The following CDH13 variants were observed in gnomAD, a reference collection of about 807,000 sequenced individuals.
CDH13 encodes the protein cadherin 13.
CDH13 carries 24 observed loss-of-function variants against 63.8 expected under a neutral mutation model. That is an observed-to-expected ratio of 0.38 (90% confidence interval 0.27 to 0.53). The LOEUF (loss-of-function observed/expected upper bound fraction) is 0.53, where lower values mean the gene tolerates loss of function less well. Ranked by LOEUF, CDH13 falls within the 20% of genes least tolerant of loss-of-function variation. The pLI, the probability that CDH13 is intolerant of heterozygous loss-of-function variation, is 0.85. For synonymous variants in CDH13, 503 were observed against 355.3 expected (o/e 1.42, Z -4.67); for missense variants, 1,049 against 903.1 (o/e 1.16, Z -2.07).
chr16:82,933,213 T>C (rs1353099589), intron 2 of CDH13, among the ~76,000 whole-genome samples: 7 of 152,148 alleles, frequency 4.6e-5, no homozygotes, highest in African/African-American at 1.7e-4. Context: ...TTCATGGTTT[T>C]GCATGGCTGG....
intron 6 of CDH13, among the ~76,000 whole-genome samples, chr16:83,374,769 T>C (rs903875819): frequency 3.3e-5 from 5 of 152,192 alleles, no homozygotes; most frequent in African/African-American, 1.2e-4. Context: ...AGGTACCTCA[T>C]TAAAGATGCA....
intron 1 of CDH13, among the ~76,000 whole-genome samples, chr16:82,636,980 C>T (rs1908736469): frequency 6.6e-6 from 1 of 152,134 alleles, no homozygotes; most frequent in Admixed American, 6.5e-5. Context: ...CAGCAAGCAG[C>T]TTGAATGTTT....
chr16:82,816,290 A>C (rs187287874), intron 1 of CDH13, among the ~76,000 whole-genome samples: 5 of 152,262 alleles, frequency 3.3e-5, no homozygotes, highest in Admixed American at 2.6e-4. Flanking sequence ...TTCACTCAGT[A>C]AATATTTATT....
At chr16:83,378,989 A>C (rs2091506655) in intron 6 of CDH13, among the ~76,000 whole-genome samples, 1 of 143,870 alleles carries the variant, frequency 7.0e-6, no homozygotes, top group Non-Finnish European at 1.6e-5. Context: ...ATACACATGC[A>C]TCTATATATA....
chr16:83,410,548 C>A (rs2092110594), intron 6 of CDH13, among the ~76,000 whole-genome samples: 1 of 152,060 alleles, frequency 6.6e-6, no homozygotes, highest in African/African-American at 2.4e-5. Flanking sequence ...GAAGGCAATA[C>A]CCACCCCCTA....
chr16:83,279,604 G>T (rs1259936311), intron 5 of CDH13, among the ~76,000 whole-genome samples: 1 of 152,194 alleles, frequency 6.6e-6, no homozygotes, highest in Non-Finnish European at 1.5e-5. Context: ...TATCCTGGAA[G>T]GAACCGGCTA....
At chr16:82,981,983 C>T (rs1039877643) in intron 2 of CDH13, among the ~76,000 whole-genome samples, 2 of 152,164 alleles carry the variant, frequency 1.3e-5, no homozygotes, top group South Asian at 2.1e-4. Context: ...AATGCTGTTG[C>T]TTGCCATTGG....
chr16:82,822,867 G>T (rs955434598), intron 1 of CDH13, among the ~76,000 whole-genome samples: 2 of 152,188 alleles, frequency 1.3e-5, no homozygotes, highest in Non-Finnish European at 2.9e-5. Flanking sequence ...TCACAGTGTA[G>T]GGATTGTCTG....
intron 5 of CDH13, among the ~76,000 whole-genome samples, chr16:83,344,468 C>T (rs1282718594): frequency 6.6e-6 from 1 of 152,218 alleles, no homozygotes; most frequent in African/African-American, 2.4e-5. Context: ...TCTTAATGTA[C>T]TTGGTTCATA....
intron 4 of CDH13, among the ~76,000 whole-genome samples, chr16:83,199,886 C>T (rs1167425419): frequency 6.6e-6 from 1 of 152,122 alleles, no homozygotes; most frequent in Admixed American, 6.5e-5. Flanking sequence ...ACATTAGAGC[C>T]AGCGTACAAA....
chr16:83,718,546 C>G (rs1393981127), intron 10 of CDH13, among the ~76,000 whole-genome samples: 1 of 152,104 alleles, frequency 6.6e-6, no homozygotes, highest in Non-Finnish European at 1.5e-5. Flanking sequence ...GTGGAGATTT[C>G]TCATAACTGA....
intron 5 of CDH13, among the ~76,000 whole-genome samples, chr16:83,233,271 G>T (rs913729653): frequency 6.6e-6 from 1 of 152,134 alleles, no homozygotes; most frequent in South Asian, 2.1e-4. Context: ...CAGGCTATGC[G>T]TGAAGCCGAC....
intron 7 of CDH13, among the ~76,000 whole-genome samples, chr16:83,509,377 A>G (rs73605827): frequency 0.012 from 1,778 of 152,322 alleles, 30 homozygotes; most frequent in African/African-American, 0.039. Context: ...TACTCTCTGT[A>G]AAGGGCCAGA....
At chr16:83,652,828 T>A (rs1912513479) in intron 8 of CDH13, among the ~76,000 whole-genome samples, 1 of 152,084 alleles carries the variant, frequency 6.6e-6, no homozygotes, top group East Asian at 1.9e-4. Flanking sequence ...AAGGCATAAG[T>A]CCTCCCAAAA....
intron 2 of CDH13, among the ~76,000 whole-genome samples, chr16:82,891,413 T>G (rs373890325): frequency 2.6e-5 from 4 of 152,204 alleles, no homozygotes; most frequent in Admixed American, 2.0e-4. Flanking sequence ...TCAAGGGCTG[T>G]TTGTATTCCT....
At chr16:83,198,710 T>G (rs879701332) in intron 4 of CDH13, among the ~76,000 whole-genome samples, 1 of 152,296 alleles carries the variant, frequency 6.6e-6, no homozygotes, top group Admixed American at 6.5e-5. Context: ...GGAATAAATA[T>G]ATAGTCTGTT....
Position 83,028,595 on chromosome 16 carries a change from A to C in CDH13, c.158-3415A>C, listed in dbSNP as rs530846850. On this transcript the variant is annotated intron_variant, in intron 2 of 13. Coordinates refer to ENST00000567109, the MANE Select transcript of CDH13 (RefSeq NM_001257.5). ...ATACCTCAGTCCGTGGATACTACCC[A>C]ACCCTATATATGCTAATTTGTCCTA... is the stretch of plus-strand genomic sequence containing the variant. 4.6e-5 allele frequency among the ~76,000 whole-genome samples: 7 copies of C among 152,330 alleles called. No homozygotes were observed. The East Asian group carries it at 1.2e-3, about 25-fold the overall frequency.
At chr16:83,284,986 C>T (rs980711073) in intron 5 of CDH13, among the ~76,000 whole-genome samples, 1 of 152,186 alleles carries the variant, frequency 6.6e-6, no homozygotes, top group Non-Finnish European at 1.5e-5. Flanking sequence ...CTTCTATACA[C>T]ACTCTCCCTG....
intron 2 of CDH13, among the ~76,000 whole-genome samples, chr16:82,915,788 C>A (rs2041968711): frequency 6.6e-6 from 1 of 150,902 alleles, no homozygotes; most frequent in African/African-American, 2.4e-5. Flanking sequence ...ATATCAGAGA[C>A]TTTAAGGTAC....
Sources: allele counts gnomAD v4.1 joint callset (sites outside exome capture counted in the v4.1 genomes callset), GRCh38; gene constraint gnomAD v4.1.1; transcripts MANE v1.5; gene names NCBI Gene and HGNC (gene_info 2026-07-23, HGNC 2026-07-21).